Variants in CSMD1 observed in about 807,000 individuals in gnomAD.
The protein encoded by CSMD1 is CUB and sushi domain-containing protein 1.
A neutral mutation model predicts 417.5 loss-of-function variants in CSMD1; 213 were observed. That is an observed-to-expected ratio of 0.51 (90% CI 0.46 to 0.57). The LOEUF is 0.57. Among genes scored for constraint, CSMD1 ranks in the 20% least tolerant of loss-of-function variants. The probability of loss-of-function intolerance (pLI) is 0.00; values close to 1 mark genes in which losing one functional copy is unlikely to be tolerated. For synonymous variants in CSMD1, 2,862 were observed against 1,736.8 expected, an observed-to-expected ratio of 1.65 and a Z score of -16.11; for missense variants, 6,923 against 4,529.7, an observed-to-expected ratio of 1.53 and a Z score of -15.17.
intron 3 of CSMD1, among the ~76,000 whole-genome samples, chr8:4,409,970 C>G (rs567165206): frequency 2.0e-5 from 3 of 152,058 alleles, no homozygotes; most frequent in Non-Finnish European, 2.9e-5. Context: ...CCCGCCACTA[C>G]GCCCAGCAAA....
At chr8:3,814,749 C>G (rs947671915) in intron 5 of CSMD1, among the ~76,000 whole-genome samples, 1 of 152,176 alleles carries the variant, frequency 6.6e-6, no homozygotes, top group Non-Finnish European at 1.5e-5. Flanking sequence ...GAATCCACAA[C>G]TTGCATTTCC....
At chr8:4,729,086 G>C (rs1480426864) in intron 1 of CSMD1, among the ~76,000 whole-genome samples, 1 of 152,100 alleles carries the variant, frequency 6.6e-6, no homozygotes, top group African/African-American at 2.4e-5. Flanking sequence ...TGGATGTTCA[G>C]CCCTAAATTA....
intron 27 of CSMD1, among the ~76,000 whole-genome samples, chr8:3,226,731 C>T (rs538083770): frequency 1.3e-5 from 2 of 151,962 alleles, no homozygotes; most frequent in African/African-American, 2.4e-5. Context: ...GGTATCCAAG[C>T]AACACTCAAG....
At chr8:3,185,984 G>A (rs1259754552) in intron 36 of CSMD1, among the ~76,000 whole-genome samples, 3 of 150,588 alleles carry the variant, frequency 2.0e-5, no homozygotes, top group Non-Finnish European at 4.4e-5. Flanking sequence ...TTACTAATCT[G>A]TTAAGATATT....
Position 3,145,035 on chromosome 8 carries a change from G to C in CSMD1, c.6032-2361C>G, listed in dbSNP as rs185892713. On this transcript the variant is annotated intron_variant, in intron 40 of 69. Coordinates refer to ENST00000635120, the MANE Select transcript of CSMD1 (RefSeq NM_033225.6). ...TCTTGTTACTAATAAGTAAACTAGA[G>C]TAAAGAGTTGTGTGTGTGTGTGTGC... Among the ~76,000 whole-genome samples, 20 of 118,202 alleles carry C rather than the reference G, an allele frequency of 1.7e-4. No individual in the cohort carries two copies. The East Asian group carries it at 3.8e-3, about 22-fold the overall frequency. The allele number at this position is 118,202 out of a possible 152,430, so 77.5% of individuals were successfully genotyped here. A position where few individuals can be genotyped will look rare whatever the true frequency, so the allele number is the denominator to read the frequency against.
At chr8:3,942,831 G>A (rs974876214) in intron 5 of CSMD1, among the ~76,000 whole-genome samples, 1 of 152,268 alleles carries the variant, frequency 6.6e-6, no homozygotes, top group Non-Finnish European at 1.5e-5. Context: ...TAAGGGCAAT[G>A]ATTGAGCTAT....
chr8:4,360,774 G>A (rs571486670), intron 3 of CSMD1, among the ~76,000 whole-genome samples: 2 of 151,780 alleles, frequency 1.3e-5, no homozygotes, highest in East Asian at 3.9e-4. Context: ...GACTACAGGT[G>A]TGAGCCACTG....
intron 3 of CSMD1, among the ~76,000 whole-genome samples, chr8:4,049,444 C>T (rs565204631): frequency 3.3e-5 from 5 of 151,562 alleles, no homozygotes; most frequent in East Asian, 3.9e-4. Flanking sequence ...CTACTGCCTA[C>T]GAGATGTCAC....
chr8:3,365,712 T>C (rs1809516272), intron 20 of CSMD1, among the ~76,000 whole-genome samples: 1 of 152,228 alleles, frequency 6.6e-6, no homozygotes, highest in Non-Finnish European at 1.5e-5. Flanking sequence ...AACAGTAGGC[T>C]ATTAGTAGTT....
At chr8:4,647,610 C>G (rs1040292722) in intron 1 of CSMD1, among the ~76,000 whole-genome samples, 5 of 151,960 alleles carry the variant, frequency 3.3e-5, no homozygotes, top group Non-Finnish European at 5.9e-5. Context: ...GTTCCCCTCT[C>G]TGTATCTATG....
chr8:3,114,419 T>C (rs1387187770), intron 42 of CSMD1, among the ~76,000 whole-genome samples: 1 of 150,116 alleles, frequency 6.7e-6, no homozygotes, highest in Non-Finnish European at 1.5e-5. Flanking sequence ...GGCATAAATA[T>C]GAATATAAAA....
intron 37 of CSMD1, among the ~76,000 whole-genome samples, chr8:3,173,602 TTA>T: frequency 6.6e-6 from 1 of 152,324 alleles, no homozygotes; most frequent in East Asian, 1.9e-4. Context: ...GCAATGAAGA[TTA>T]GTTATTACAC....
At chr8:4,639,697 G>C (rs1803078054) in intron 1 of CSMD1, among the ~76,000 whole-genome samples, 1 of 152,094 alleles carries the variant, frequency 6.6e-6, no homozygotes, top group Non-Finnish European at 1.5e-5. Context: ...AGTACAAATA[G>C]AAAATTATTT....
chr8:3,501,148 G>A (rs1045738476), intron 10 of CSMD1, among the ~76,000 whole-genome samples: 1 of 151,546 alleles, frequency 6.6e-6, no homozygotes, highest in African/African-American at 2.4e-5. Context: ...CATTCAAATA[G>A]AGAGACCACT....
At chr8:4,871,961 T>A (rs571766534) in intron 1 of CSMD1, among the ~76,000 whole-genome samples, 3 of 152,114 alleles carry the variant, frequency 2.0e-5, no homozygotes, top group Non-Finnish European at 4.4e-5. Context: ...GGACCAAGCA[T>A]AGGTGACAGC....
intron 27 of CSMD1, among the ~76,000 whole-genome samples, chr8:3,225,233 C>A (rs535045405): frequency 6.6e-6 from 1 of 152,218 alleles, no homozygotes; most frequent in Non-Finnish European, 1.5e-5. Flanking sequence ...CAACTAACTC[C>A]AGTAGTTCTT....
chr8:4,216,976 C>T (rs1008696055), intron 3 of CSMD1, among the ~76,000 whole-genome samples: 28 of 152,130 alleles, frequency 1.8e-4, no homozygotes, highest in African/African-American at 6.8e-4. Context: ...AGGATAGGTC[C>T]CCACGGTTAA....
intron 7 of CSMD1, among the ~76,000 whole-genome samples, chr8:3,660,995 A>G (rs908123698): frequency 6.6e-6 from 1 of 152,210 alleles, no homozygotes; most frequent in Non-Finnish European, 1.5e-5. Context: ...GGTGAGCGCC[A>G]GCACCCAGCG....
intron 3 of CSMD1, among the ~76,000 whole-genome samples, chr8:4,343,385 T>C (rs1800591518): frequency 6.6e-6 from 1 of 152,054 alleles, no homozygotes; most frequent in Non-Finnish European, 1.5e-5. Context: ...ATTCTCTTGC[T>C]AAGAGAGCTG....
Sources: gnomAD v4.1 joint callset for allele counts (sites outside exome capture counted in the v4.1 genomes callset) on GRCh38, gnomAD v4.1.1 for gene constraint, MANE v1.5 for transcripts, NCBI Gene and HGNC (gene_info 2026-07-23, HGNC 2026-07-21) for gene names.